Variants in GPC6 observed in about 807,000 individuals in gnomAD.
GPC6 encodes the protein glypican-6.
In GPC6, 14 loss-of-function variants were observed where a neutral mutation model predicts 55.2. The observed-to-expected ratio is 0.25, with a 90% CI of 0.17 to 0.40. GPC6 has a LOEUF of 0.40. Ranked by LOEUF, GPC6 falls within the 10% of genes least tolerant of loss-of-function variation. The probability of loss-of-function intolerance (pLI) is 1.00; values close to 1 mark genes in which losing one functional copy is unlikely to be tolerated. For missense variants in GPC6, 641 were observed against 708.5 expected, an observed-to-expected ratio of 0.90 and a Z score of 1.08; for synonymous variants, 278 against 259.6, an observed-to-expected ratio of 1.07 and a Z score of -0.68.
intron 4 of GPC6, among the ~76,000 whole-genome samples, chr13:94,255,239 C>T (rs527887950): frequency 1.3e-5 from 2 of 152,262 alleles, no homozygotes; most frequent in African/African-American, 2.4e-5. Flanking sequence ...ATCAAAGAAC[C>T]TTATAATAAT....
chr13:93,408,528 A>T (rs888715797), intron 1 of GPC6, among the ~76,000 whole-genome samples: 1 of 152,196 alleles, frequency 6.6e-6, no homozygotes, highest in Non-Finnish European at 1.5e-5. Context: ...CAATGAAAGC[A>T]GTGCAAAACT....
At chr13:93,418,518 A>G (rs1378442064) in intron 1 of GPC6, among the ~76,000 whole-genome samples, 4 of 149,694 alleles carry the variant, frequency 2.7e-5, no homozygotes, top group African/African-American at 1.0e-4. Flanking sequence ...GCACTATACC[A>G]TAGTATTATT....
rs9584168 is a variant in GPC6 at position 93,889,084 on chromosome 13, T to C, written c.711+58539T>C. Among the ~76,000 whole-genome samples the C allele has an allele frequency of 5.7e-3, 861 of 152,294 alleles. 14 individuals carry two copies. Among genetic ancestry groups the C allele is most frequent in the African/African-American group, 0.02 (829 of 41,578 alleles). ...AAATTATGATATTCATTTTCTTGTA[T>C]ACTTCTTATCACTTTTTAATTTTAA... On this transcript the variant is annotated intron_variant, in intron 3 of 8. Coordinates refer to ENST00000377047, the MANE Select transcript of GPC6 (RefSeq NM_005708.5).
chr13:93,616,156 CCT>C (rs1417147924), intron 2 of GPC6, among the ~76,000 whole-genome samples: 1 of 151,826 alleles, frequency 6.6e-6, no homozygotes, highest in African/African-American at 2.4e-5. Flanking sequence ...TATTAAAATC[CCT>C]CTCAGAAAGG....
intron 3 of GPC6, among the ~76,000 whole-genome samples, chr13:93,899,440 T>C (rs1459248312): frequency 7.0e-6 from 1 of 143,724 alleles, no homozygotes; most frequent in South Asian, 2.2e-4. Flanking sequence ...CATAGTTGGA[T>C]GAAGGAAAAA....
chr13:93,526,369 T>C (rs1331044830), intron 1 of GPC6, among the ~76,000 whole-genome samples: 2 of 151,688 alleles, frequency 1.3e-5, no homozygotes, highest in Non-Finnish European at 2.9e-5. Context: ...GGGAGGACTT[T>C]TCAGGGATTA....
intron 4 of GPC6, among the ~76,000 whole-genome samples, chr13:94,040,287 G>A (rs537151602): frequency 7.1e-4 from 108 of 151,902 alleles, no homozygotes; most frequent in African/African-American, 2.5e-3. Flanking sequence ...ATGTCCTGTG[G>A]CATGATTGTC....
At chr13:94,386,610 T>A (rs986781743) in intron 7 of GPC6, among the ~76,000 whole-genome samples, 11 of 152,110 alleles carry the variant, frequency 7.2e-5, no homozygotes, top group African/African-American at 2.4e-4. Context: ...AAATAAAAAA[T>A]AAGAAGAAAT....
chr13:93,749,036 CAA>C (rs1471377251), intron 2 of GPC6, among the ~76,000 whole-genome samples: 1 of 151,992 alleles, frequency 6.6e-6, no homozygotes, highest in Non-Finnish European at 1.5e-5. Flanking sequence ...ACATGAGAAT[CAA>C]AGATGCTATT....
At chr13:93,802,545 A>G (rs1256540903) in intron 2 of GPC6, among the ~76,000 whole-genome samples, 1 of 152,056 alleles carries the variant, frequency 6.6e-6, no homozygotes, top group Non-Finnish European at 1.5e-5. Context: ...TTAAAGGTGT[A>G]TAACCACCAA....
chr13:94,095,763 G>A (rs374271843), intron 4 of GPC6, among the ~76,000 whole-genome samples: 13 of 152,108 alleles, frequency 8.5e-5, no homozygotes, highest in African/African-American at 2.4e-4. Flanking sequence ...AAATTGGGCA[G>A]GGAGAGAACA....
At chr13:93,981,450 A>G (rs1880800664) in intron 3 of GPC6, among the ~76,000 whole-genome samples, 1 of 152,178 alleles carries the variant, frequency 6.6e-6, no homozygotes, top group Non-Finnish European at 1.5e-5. Context: ...TTTATGATAA[A>G]TAAAAATTTG....
chr13:93,699,141 A>T (rs1882581232), intron 2 of GPC6, among the ~76,000 whole-genome samples: 1 of 152,142 alleles, frequency 6.6e-6, no homozygotes, highest in Non-Finnish European at 1.5e-5. Flanking sequence ...GGAGCCCAGA[A>T]GGATACCACA....
chr13:93,830,839 T>A, intron 3 of GPC6: 1 of 342,100 alleles, frequency 2.9e-6, no homozygotes, highest in Non-Finnish European at 5.4e-6. Flanking sequence ...GCAGGCACGT[T>A]GCAACTATGA....
intron 1 of GPC6, among the ~76,000 whole-genome samples, chr13:93,311,393 A>G (rs1024066773): frequency 6.6e-6 from 1 of 152,092 alleles, no homozygotes; most frequent in African/African-American, 2.4e-5. Context: ...CCCCCTGTGA[A>G]TGTTTTGAAG....
At position 93,672,731 on chromosome 13, in the gene GPC6, A is replaced by G. The variant is rs189646867; in HGVS notation, c.319+127310A>G. Among the ~76,000 whole-genome samples the G allele has an allele frequency of 2.1e-3, 313 of 151,814 alleles. 3 individuals carry two copies. The highest frequency in any genetic ancestry group is 7.3e-3 in the African/African-American group (302 of 41,366). On this transcript the variant is annotated intron_variant, in intron 2 of 8. Coordinates refer to ENST00000377047, the MANE Select transcript of GPC6 (RefSeq NM_005708.5). ...TCATTATATGTAAAATTAGATACAT[A>G]TATAAAATAAAATACATTCTCTCAG...
chr13:93,447,499 C>T (rs958559436), intron 1 of GPC6, among the ~76,000 whole-genome samples: 5 of 152,238 alleles, frequency 3.3e-5, no homozygotes, highest in South Asian at 2.1e-4. Context: ...ACCAAAGTTA[C>T]GTGATGAGGA....
chr13:93,821,585 T>C (rs531518135), intron 2 of GPC6, among the ~76,000 whole-genome samples: 3 of 152,336 alleles, frequency 2.0e-5, no homozygotes, highest in African/African-American at 7.2e-5. Flanking sequence ...GTTGCAATTA[T>C]AATCATTTGC....
At chr13:94,090,069 G>C (rs1435613519) in intron 4 of GPC6, among the ~76,000 whole-genome samples, 1 of 47,790 alleles carries the variant, frequency 2.1e-5, no homozygotes, top group Non-Finnish European at 4.0e-5. Flanking sequence ...ACCCAAGACT[G>C]GGTAATTTAT....
Sources: allele counts gnomAD v4.1 joint callset (sites outside exome capture counted in the v4.1 genomes callset), GRCh38; gene constraint gnomAD v4.1.1; transcripts MANE v1.5; gene names NCBI Gene and HGNC (gene_info 2026-07-23, HGNC 2026-07-21).